DEFB110: variants seen among roughly 807,000 people sequenced by gnomAD.
The protein encoded by DEFB110 is beta-defensin 110.
In DEFB110, 4 loss-of-function variants were observed where a neutral mutation model predicts 2.5. The ratio of observed to expected loss-of-function variants is 1.60; its 90% CI spans 0.79 to 3.66. The LOEUF (loss-of-function observed/expected upper bound fraction) is 3.66. Ranked by LOEUF, DEFB110 falls within the 30% of genes most tolerant of loss-of-function variation. DEFB110 has a pLI of 0.01. For synonymous variants in DEFB110, 29 were observed against 21.8 expected (o/e 1.33, Z -0.92); for missense variants, 94 against 75.4 (o/e 1.25, Z -0.91).
At chr6:50,017,728 A>T (rs182467777), downstream of DEFB110, among the ~76,000 whole-genome samples, 1 of 152,014 alleles carries the variant, frequency 6.6e-6, no homozygotes, top group East Asian at 1.9e-4. Flanking sequence ...TTCCCCATTC[A>T]TGGCTTGTTG....
rs200388733 is a variant in DEFB110 at position 50,019,095 on chromosome 6, A to G, written c.86T>C (p.Leu29Ser). The G allele has an allele frequency of 6.2e-7, 1 of 1,613,018 alleles. No individual in the cohort carries two copies. Among genetic ancestry groups the G allele is most frequent in the East Asian group, 2.2e-5 (1 of 44,834 alleles). The change falls in exon 2 of 2, where the codon TTG becomes TCG. Residue 29 changes from leucine to serine, a missense_variant. Leu to Ser is a moderately radical substitution (Grantham distance 145). Transcript: ENST00000371148. ...AKKKYPEYGS[L>S]DLRRECRIGN... ...TATTCTGCACTCTCTCCTCAAGTCC[A>G]AGCTACCATACTCAGGATATTTCTT...
At chr6:50,009,702 G>A (rs1030481566) in intron 1 of DEFB110, among the ~76,000 whole-genome samples, 2 of 152,056 alleles carry the variant, frequency 1.3e-5, no homozygotes, top group African/African-American at 4.8e-5. Flanking sequence ...CACACAAATA[G>A]TAATCATAGA....
chr6:50,020,038 C>T (rs1407876369), intron 1 of DEFB110, among the ~76,000 whole-genome samples: 1 of 152,100 alleles, frequency 6.6e-6, no homozygotes, highest in African/African-American at 2.4e-5. Context: ...TTAACTCCTA[C>T]TCTGGCTTTA....
downstream of DEFB110, among the ~76,000 whole-genome samples, chr6:50,018,020 A>C (rs1421990713): frequency 6.6e-6 from 1 of 152,028 alleles, no homozygotes; most frequent in East Asian, 1.9e-4. Context: ...AATGTTTCTT[A>C]AGAATTTTGA....
downstream of DEFB110, among the ~76,000 whole-genome samples, chr6:50,018,670 T>A (rs1774359666): frequency 6.6e-6 from 1 of 151,988 alleles, no homozygotes; most frequent in African/African-American, 2.4e-5. Context: ...TCCCACAACC[T>A]TACTTATGGC....
chr6:50,015,275 A>G (rs1724541152), downstream of DEFB110, among the ~76,000 whole-genome samples: 2 of 151,778 alleles, frequency 1.3e-5, no homozygotes, highest in South Asian at 4.1e-4. Flanking sequence ...TTTACTACTT[A>G]TATTATTTTA....
intron 1 of DEFB110, among the ~76,000 whole-genome samples, chr6:50,010,524 A>AAT (rs138922057): frequency 0.073 from 10,703 of 147,154 alleles, 831 homozygotes; most frequent in African/African-American, 0.19. Context: ...TTAACATGTT[A>AAT]ATATATATAT....
At chr6:50,019,324 T>A (rs1227046187) in intron 1 of DEFB110, among the ~76,000 whole-genome samples, 199 bp from the exon 2 acceptor site, 1 of 152,082 alleles carries the variant, frequency 6.6e-6, no homozygotes, top group African/African-American at 2.4e-5. Context: ...AAGTTAGGTG[T>A]TTCCACTTTC....
downstream of DEFB110, among the ~76,000 whole-genome samples, chr6:50,016,903 C>T (rs1163881767): frequency 2.0e-5 from 3 of 151,590 alleles, no homozygotes; most frequent in African/African-American, 4.8e-5. Context: ...CTGAAAGATA[C>T]AGGGTACACC....
chr6:50,019,342 C>A (rs1272371886), intron 1 of DEFB110, among the ~76,000 whole-genome samples: 1 of 152,022 alleles, frequency 6.6e-6, no homozygotes, highest in African/African-American at 2.4e-5. Flanking sequence ...TTCTGTCTTA[C>A]AAGAAACTGG....
chr6:50,019,485 T>C (rs1362159565), intron 1 of DEFB110, among the ~76,000 whole-genome samples: 1 of 152,130 alleles, frequency 6.6e-6, no homozygotes, highest in Non-Finnish European at 1.5e-5. Context: ...TAACATTATT[T>C]AGACTGAATG....
chr6:50,011,976 T>G (rs1774235973), intron 1 of DEFB110, among the ~76,000 whole-genome samples: 1 of 152,074 alleles, frequency 6.6e-6, no homozygotes, highest in African/African-American at 2.4e-5. Flanking sequence ...ACAAATGATT[T>G]AGATCACTGG....
intron 1 of DEFB110, among the ~76,000 whole-genome samples, chr6:50,021,298 G>T (rs1774414752): frequency 2.0e-5 from 3 of 152,150 alleles, no homozygotes; most frequent in South Asian, 2.1e-4. Context: ...CTGGTACTGT[G>T]CCAGTAGTAC....
downstream of DEFB110, among the ~76,000 whole-genome samples, chr6:50,016,305 A>G (rs2113940173): frequency 6.6e-6 from 1 of 151,994 alleles, no homozygotes; most frequent in Middle Eastern, 3.4e-3. Flanking sequence ...AAAAATTTCC[A>G]TCACTTAGTG....
chr6:50,012,400 T>C (rs185658005), intron 1 of DEFB110, among the ~76,000 whole-genome samples: 2 of 151,938 alleles, frequency 1.3e-5, no homozygotes, highest in Non-Finnish European at 1.5e-5. Context: ...AGCGAGTGAA[T>C]GCATATGTTA....
At chr6:50,013,632 A>T (rs1774268073) in intron 1 of DEFB110, among the ~76,000 whole-genome samples, 3 of 151,848 alleles carry the variant, frequency 2.0e-5, no homozygotes, top group Admixed American at 1.3e-4. Context: ...ATAAGAAATG[A>T]TGAATAAGAT....
chr6:50,019,917 T>C (rs945347690), intron 1 of DEFB110, among the ~76,000 whole-genome samples: 4 of 152,210 alleles, frequency 2.6e-5, no homozygotes, highest in Admixed American at 1.3e-4. Flanking sequence ...ACACACCCAT[T>C]TGCTAACACA....
At chr6:50,021,730 T>C (rs763904825) in intron 1 of DEFB110, 151 bp downstream of exon 1, 8 of 704,710 alleles carry the variant, frequency 1.1e-5, no homozygotes, top group African/African-American at 1.9e-5. Context: ...TTGTCTTTAT[T>C]ATCTGTTCTG....
rs527560753 is a variant in DEFB110, at chr6:50,020,076, G to A, written c.56-951C>T. On this transcript the variant is annotated intron_variant, in intron 1 of 1. Transcript: ENST00000371148. Reference sequence around the variant, plus strand: ...TTTTCTTATCAATCATGAAAGAATGGGTGAGGGATTTGTAGCTGGGGTCAC... The same window carrying A: ...TTTTCTTATCAATCATGAAAGAATGAGTGAGGGATTTGTAGCTGGGGTCAC... Among the ~76,000 whole-genome samples, 5 of 152,216 alleles carry A rather than the reference G, an allele frequency of 3.3e-5. No homozygotes were observed. The South Asian group carries it at 1.0e-3, about 32-fold the overall frequency.
Sources: gnomAD v4.1 joint callset for allele counts (sites outside exome capture counted in the v4.1 genomes callset) on GRCh38, gnomAD v4.1.1 for gene constraint, MANE v1.5 for transcripts, NCBI Gene and HGNC (gene_info 2026-07-23, HGNC 2026-07-21) for gene names.